R3HDM1: variants seen among roughly 807,000 people sequenced by gnomAD.
R3HDM1 encodes the protein R3H domain-containing protein 1.
A neutral mutation model predicts 141.1 loss-of-function variants in R3HDM1; 46 were observed. The ratio of observed to expected loss-of-function variants is 0.33; its 90% CI spans 0.26 to 0.42. R3HDM1 has a LOEUF of 0.42. Among genes scored for constraint, R3HDM1 ranks in the 10% least tolerant of loss-of-function variants. The pLI is 1.00. For synonymous variants in R3HDM1, 435 were observed against 472.9 expected (o/e 0.92, Z 1.04); for missense variants, 1,184 against 1,368.3 (o/e 0.87, Z 2.12).
rs971734047 is a variant in R3HDM1, at chr2:135,667,503, G to A, written c.2152+6110G>A. On this transcript the variant is annotated intron_variant, in intron 19 of 26. Coordinates refer to ENST00000683871, the MANE Select transcript of R3HDM1 (RefSeq NM_001378107.1). ...ATAGAGGCTTTCCCACAATATTGACGTAAATTCCTATAAAAGATATAGTGT... is the reference window on the plus strand; with the variant it reads ...ATAGAGGCTTTCCCACAATATTGACATAAATTCCTATAAAAGATATAGTGT... 2.8e-5 allele frequency: 14 copies of A among 506,806 alleles called. No individual in the cohort carries two copies. The East Asian group carries it at 4.5e-4, about 16-fold the overall frequency. The allele number at this position is 506,806 out of a possible 1,614,324, so 31.4% of individuals were successfully genotyped here. A position where few individuals can be genotyped will look rare whatever the true frequency, so the allele number is the denominator to read the frequency against.
chr2:135,579,012 A>G (rs1262364226), intron 1 of R3HDM1, among the ~76,000 whole-genome samples: 1 of 152,196 alleles, frequency 6.6e-6, no homozygotes, highest in East Asian at 1.9e-4. Flanking sequence ...CTGTACATAC[A>G]CATATTCCCG....
chr2:135,620,419 T>G (rs1170115499), intron 5 of R3HDM1: 2 of 890,400 alleles, frequency 2.2e-6, no homozygotes, highest in African/African-American at 1.8e-5. Context: ...AAGTTGCCAG[T>G]GTCTTTGGTA....
At chr2:135,665,145 G>A (rs557208849) in intron 19 of R3HDM1, among the ~76,000 whole-genome samples, 2 of 152,132 alleles carry the variant, frequency 1.3e-5, no homozygotes, top group African/African-American at 2.4e-5. Flanking sequence ...TTACTTACCA[G>A]TTTCACTAAT....
At position 135,722,409 on chromosome 2, in the gene R3HDM1, A is replaced by C. The variant is rs1045813027; in HGVS notation, c.2965-60A>C. ...GTGTTTTGGTGTTAATTTGTTAAAC[A>C]TCCAAAGTGTGTTTTTCAGCATTAT... On this transcript the variant is annotated intron_variant, in intron 25 of 26. Coordinates refer to ENST00000683871, the MANE Select transcript of R3HDM1 (RefSeq NM_001378107.1). 1.9e-6 allele frequency: 3 copies of C among 1,560,334 alleles called. No homozygotes were observed. In the African/African-American group the frequency reaches 4.1e-5, roughly 21 times the overall value.
At chr2:135,608,317 A>AAATAAT (rs146123639) in intron 3 of R3HDM1, among the ~76,000 whole-genome samples, 41 of 150,628 alleles carry the variant, frequency 2.7e-4, no homozygotes, top group South Asian at 2.5e-3. Context: ...CTCCATCTCA[A>AAATAAT]AATAATAATA....
intron 19 of R3HDM1, among the ~76,000 whole-genome samples, chr2:135,665,914 A>AT (rs1258645778): frequency 4.0e-5 from 6 of 151,886 alleles, no homozygotes; most frequent in South Asian, 2.1e-4. Flanking sequence ...ATATAATTTA[A>AT]TTTTTTTTTC....
At chr2:135,613,397 C>T (rs1437020042) in intron 3 of R3HDM1, among the ~76,000 whole-genome samples, 1 of 152,194 alleles carries the variant, frequency 6.6e-6, no homozygotes, top group Non-Finnish European at 1.5e-5. Flanking sequence ...TTAAATCTCT[C>T]TGACTTGCCC....
intron 1 of R3HDM1, 147 bp from the exon 2 acceptor site, chr2:135,602,353 C>T: frequency 2.1e-6 from 1 of 466,378 alleles, no homozygotes; most frequent in South Asian, 9.4e-5. Flanking sequence ...TGTTAGAATT[C>T]ATTGTTACTC....
At chr2:135,677,337 T>C (rs572596055) in intron 20 of R3HDM1, among the ~76,000 whole-genome samples, 2 of 152,288 alleles carry the variant, frequency 1.3e-5, no homozygotes, top group African/African-American at 4.8e-5. Flanking sequence ...CCCCTTCTCC[T>C]CCATCCTTGA....
chr2:135,620,811 T>C (rs1241192809), intron 5 of R3HDM1: 2 of 223,372 alleles, frequency 9.0e-6, no homozygotes, highest in Non-Finnish European at 1.5e-5. Flanking sequence ...GTAATGGCAT[T>C]GTTTTTAAAA....
At chr2:135,656,568 G>A (rs1261478486) in intron 18 of R3HDM1, 1 of 151,586 alleles carries the variant, frequency 6.6e-6, no homozygotes, top group Non-Finnish European at 1.5e-5. Flanking sequence ...GTCTTTTTAG[G>A]TACATCCCCT....
chr2:135,703,339 A>G (rs2074487883), intron 21 of R3HDM1, among the ~76,000 whole-genome samples: 1 of 152,188 alleles, frequency 6.6e-6, no homozygotes, highest in Non-Finnish European at 1.5e-5. Flanking sequence ...TAAAACATGA[A>G]GTATGTTTTA....
intron 1 of R3HDM1, among the ~76,000 whole-genome samples, chr2:135,536,986 C>T (rs1696279319): frequency 6.6e-6 from 1 of 151,986 alleles, no homozygotes; most frequent in Non-Finnish European, 1.5e-5. Context: ...CCGCCTGCAC[C>T]ATCTGGGGAA....
chr2:135,558,070 T>A (rs1412027294), intron 1 of R3HDM1, among the ~76,000 whole-genome samples: 3 of 152,190 alleles, frequency 2.0e-5, no homozygotes, highest in Non-Finnish European at 2.9e-5. Flanking sequence ...ATTAGAAATA[T>A]CGAGTTATAG....
intron 24 of R3HDM1, among the ~76,000 whole-genome samples, chr2:135,718,185 G>C (rs1222157573): frequency 6.6e-6 from 1 of 152,158 alleles, no homozygotes; most frequent in African/African-American, 2.4e-5. Flanking sequence ...ATGGGGTGTG[G>C]AACTGACTGG....
rs962924197 is a variant in R3HDM1, at chr2:135,709,326, G to A, written c.2460-107G>A. 39 of 1,462,408 alleles carry A rather than the reference G, an allele frequency of 2.7e-5. No individual in the cohort carries two copies. In the African/African-American group the frequency reaches 5.1e-4, roughly 19 times the overall value. 90.6% of individuals were successfully genotyped at this position (1,462,408 alleles called of 1,614,324 possible). On this transcript the variant is annotated intron_variant, in intron 21 of 26. Transcript: ENST00000683871. ...CTGACCTCGTGATCCGCCCGCCTTG[G>A]CCTCCCAAAGTGCTGGGATTACAGG...
chr2:135,581,787 C>G (rs1393833731), intron 1 of R3HDM1, among the ~76,000 whole-genome samples: 1 of 152,094 alleles, frequency 6.6e-6, no homozygotes, highest in Non-Finnish European at 1.5e-5. Context: ...TTTTCTTTCC[C>G]AGTTAACTCT....
intron 21 of R3HDM1, among the ~76,000 whole-genome samples, chr2:135,684,906 G>A (rs1235274419): frequency 6.6e-6 from 1 of 151,932 alleles, no homozygotes; most frequent in Non-Finnish European, 1.5e-5. Flanking sequence ...GGGACCACAG[G>A]CACGCACCAC....
intron 1 of R3HDM1, chr2:135,566,526 T>C (rs957865717): frequency 6.4e-6 from 1 of 155,482 alleles, no homozygotes; most frequent in East Asian, 1.9e-4. Flanking sequence ...TAAGCTCAGG[T>C]TATATATGCT....
Sources: allele counts gnomAD v4.1 joint callset (sites outside exome capture counted in the v4.1 genomes callset), GRCh38; gene constraint gnomAD v4.1.1; transcripts MANE v1.5; gene names NCBI Gene and HGNC (gene_info 2026-07-23, HGNC 2026-07-21).